Variants in NHEJ1 observed in about 807,000 individuals in gnomAD.
The protein encoded by NHEJ1 is non-homologous end joining factor 1, also known as non-homologous end-joining factor 1.
A neutral mutation model predicts 39.4 loss-of-function variants in NHEJ1; 22 were observed. The ratio of observed to expected loss-of-function variants is 0.56; its 90% CI spans 0.40 to 0.80. The LOEUF is 0.80. Among genes scored for constraint, NHEJ1 ranks in the 30% least tolerant of loss-of-function variants. The pLI, the probability that NHEJ1 is intolerant of heterozygous loss-of-function variation, is 0.00. For synonymous variants in NHEJ1, 154 were observed against 135.6 expected (o/e 1.14, Z -0.94); for missense variants, 329 against 357.1 (o/e 0.92, Z 0.63).
In NHEJ1 at chr2:219,072,672, G is replaced by A. The variant is rs1948972262; in HGVS notation, c.*3709C>T. Among the ~76,000 whole-genome samples the A allele has an allele frequency of 6.6e-6, 1 of 152,198 alleles. No homozygotes were observed. The highest frequency in any genetic ancestry group is 2.4e-5 in the African/African-American group (1 of 41,452). On this transcript the variant is annotated 3_prime_UTR_variant, in exon 8 of 8. Coordinates refer to ENST00000356853, the MANE Select transcript of NHEJ1 (RefSeq NM_024782.3). ...AAGGATGAAAACAGAAAAGTGCACA[G>A]GAAGTGTGTCTATTAACACAGTCTA...
At chr2:219,094,779 CACAA>C (rs561174525) in intron 5 of NHEJ1, among the ~76,000 whole-genome samples, 15 of 152,100 alleles carry the variant, frequency 9.9e-5, no homozygotes, top group Non-Finnish European at 2.1e-4. Flanking sequence ...ACTTAGGAGG[CACAA>C]ACAGGCAGCC....
intron 5 of NHEJ1, among the ~76,000 whole-genome samples, chr2:219,082,576 ATC>A (rs956694929): frequency 1.3e-5 from 2 of 152,212 alleles, no homozygotes; most frequent in Non-Finnish European, 2.9e-5. Context: ...GCTAGATCTG[ATC>A]TACTGCTCAC....
chr2:219,110,395 A>AC (rs1486445419), intron 5 of NHEJ1, among the ~76,000 whole-genome samples: 2 of 151,888 alleles, frequency 1.3e-5, no homozygotes, highest in Admixed American at 6.6e-5. Context: ...GGTAGGGTGC[A>AC]CCTGTAGTCC....
At chr2:219,155,382 CAG>C (rs1949843488) in intron 3 of NHEJ1, among the ~76,000 whole-genome samples, 1 of 151,908 alleles carries the variant, frequency 6.6e-6, no homozygotes, top group South Asian at 2.1e-4. Context: ...CTGGTCAACA[CAG>C]AGAGACCCCC....
intron 5 of NHEJ1, among the ~76,000 whole-genome samples, chr2:219,146,153 A>G (rs1949737053): frequency 6.6e-6 from 1 of 152,172 alleles, no homozygotes; most frequent in African/African-American, 2.4e-5. Flanking sequence ...AGCTTCTGAC[A>G]GGCCACAATT....
chr2:219,088,505 A>G (rs1949132172), intron 5 of NHEJ1, among the ~76,000 whole-genome samples: 1 of 152,164 alleles, frequency 6.6e-6, no homozygotes, highest in Admixed American at 6.5e-5. Flanking sequence ...GAAAAGAAAA[A>G]AAAAAAATTA....
chr2:219,099,421 A>C (rs953565613), intron 5 of NHEJ1, among the ~76,000 whole-genome samples: 1 of 152,194 alleles, frequency 6.6e-6, no homozygotes, highest in African/African-American at 2.4e-5. Context: ...CCACTGCTCT[A>C]GGGTATGTCC....
intron 5 of NHEJ1, among the ~76,000 whole-genome samples, chr2:219,116,198 C>A (rs544997284): frequency 2.6e-5 from 4 of 152,348 alleles, no homozygotes; most frequent in Admixed American, 2.6e-4. Context: ...CCAGTCAAGG[C>A]CTATGCCCTG....
chr2:219,145,658 G>A (rs913895596), intron 5 of NHEJ1, among the ~76,000 whole-genome samples: 31 of 151,746 alleles, frequency 2.0e-4, no homozygotes, highest in African/African-American at 7.0e-4. Context: ...AATAGGCCGG[G>A]CGCAGTGGCT....
At chr2:219,079,937 T>C (rs1367204255) in intron 5 of NHEJ1, among the ~76,000 whole-genome samples, 1 of 152,200 alleles carries the variant, frequency 6.6e-6, no homozygotes, top group Non-Finnish European at 1.5e-5. Flanking sequence ...CACTGTGCTG[T>C]CTACATAAAT....
intron 5 of NHEJ1, among the ~76,000 whole-genome samples, chr2:219,115,153 AAAGAAGAAGAAG>A (rs138331690): frequency 6.1e-5 from 9 of 148,360 alleles, no homozygotes; most frequent in East Asian, 4.0e-4. Flanking sequence ...CGTATTTTAA[AAAGAAGAAGAAG>A]AAGAAGAAGA....
chr2:219,149,317 C>T lies in NHEJ1; in HGVS notation c.391-1522G>A, dbSNP rs73074910. On this transcript the variant is annotated intron_variant, in intron 3 of 7. Transcript: ENST00000356853. ...ATTTAATTCACCTACACAAGGTGTC[C>T]ATTAACCTGTCAAAAAAAATAACTA... Among the ~76,000 whole-genome samples, 360 of 152,214 alleles carry T rather than the reference C, an allele frequency of 2.4e-3. 3 individuals are homozygous for T. Among genetic ancestry groups the T allele is most frequent in the African/African-American group, 7.6e-3 (316 of 41,544 alleles).
chr2:219,131,040 A>G (rs1169827868), intron 5 of NHEJ1, among the ~76,000 whole-genome samples: 1 of 152,176 alleles, frequency 6.6e-6, no homozygotes, highest in Admixed American at 6.5e-5. Context: ...TGCAGTAAGC[A>G]ATGATCACAC....
At position 219,080,237 on chromosome 2, in the gene NHEJ1, T is replaced by G. The variant is rs77006944; in HGVS notation, c.589-2031A>C. 2.0e-3 allele frequency among the ~76,000 whole-genome samples: 306 copies of G among 152,254 alleles called. 1 individual carries two copies. The highest frequency in any genetic ancestry group is 7.0e-3 in the African/African-American group (292 of 41,536). On this transcript the variant is annotated intron_variant, in intron 5 of 7. Coordinates refer to ENST00000356853, the MANE Select transcript of NHEJ1 (RefSeq NM_024782.3). ...GCATATTGCTAGAATTGTCGAATACTTAATATATGCTAGACATGGCCGGGC... is the reference window on the plus strand; with the variant it reads ...GCATATTGCTAGAATTGTCGAATACGTAATATATGCTAGACATGGCCGGGC...
At chr2:219,080,212 G>A (rs1949049454) in intron 5 of NHEJ1, among the ~76,000 whole-genome samples, 1 of 152,152 alleles carries the variant, frequency 6.6e-6, no homozygotes, top group South Asian at 2.1e-4. Context: ...CCTAGGAACA[G>A]CATATTGCTA....
intron 5 of NHEJ1, among the ~76,000 whole-genome samples, chr2:219,125,960 C>A (rs939640010): frequency 3.9e-5 from 6 of 152,212 alleles, no homozygotes; most frequent in African/African-American, 1.4e-4. Flanking sequence ...CTGAGGGTAG[C>A]CCCAAGGAAA....
At chr2:219,136,696 AGATTCAAGC>A (rs1393923069) in intron 5 of NHEJ1, among the ~76,000 whole-genome samples, 1 of 151,854 alleles carries the variant, frequency 6.6e-6, no homozygotes, top group Non-Finnish European at 1.5e-5. Context: ...TCTGCCTCCG[AGATTCAAGC>A]GATTCTCCTG....
At chr2:219,077,503 A>G in intron 6 of NHEJ1, 139 bp from the exon 7 acceptor site, 1 of 734,938 alleles carries the variant, frequency 1.4e-6, no homozygotes, top group South Asian at 1.5e-5. Context: ...CACAAGTCCA[A>G]CTTCCAGCTG....
chr2:219,112,470 G>C (rs1040234541), intron 5 of NHEJ1, among the ~76,000 whole-genome samples: 1 of 152,134 alleles, frequency 6.6e-6, no homozygotes, highest in African/African-American at 2.4e-5. Context: ...AACTGGCCAA[G>C]AAACTGCAGT....
Sources: gnomAD v4.1 joint callset for allele counts (sites outside exome capture counted in the v4.1 genomes callset) on GRCh38, gnomAD v4.1.1 for gene constraint, MANE v1.5 for transcripts, NCBI Gene and HGNC (gene_info 2026-07-23, HGNC 2026-07-21) for gene names.